SLC25A13: variants seen among roughly 807,000 people sequenced by gnomAD.
SLC25A13 encodes electrogenic aspartate/glutamate antiporter SLC25A13, mitochondrial.
SLC25A13 carries 70 observed loss-of-function variants against 85.5 expected under a neutral mutation model. That is an observed-to-expected ratio of 0.82 (90% CI 0.68 to 1.00). SLC25A13 has a LOEUF of 1.00. SLC25A13 is among the 50% of genes least tolerant of loss of function. The pLI is 0.00. For missense variants in SLC25A13, 765 were observed against 819.8 expected (o/e 0.93, Z 0.82); for synonymous variants, 259 against 288.7 (o/e 0.90, Z 1.04).
At chr7:96,134,813 A>ATATATATATATATAT (rs1554337551) in intron 14 of SLC25A13, among the ~76,000 whole-genome samples, 25 of 142,964 alleles carry the variant, frequency 1.7e-4, no homozygotes, top group Non-Finnish European at 2.3e-4. Context: ...ATATATATAT[A>ATATATATATATATAT]ACCCTGAGGA....
At chr7:96,234,659 C>G in intron 4 of SLC25A13, 143 bp downstream of exon 4, 1 of 633,788 alleles carries the variant, frequency 1.6e-6, no homozygotes, top group Non-Finnish European at 2.7e-6. Flanking sequence ...AGCTCCAAAA[C>G]ATTGAAGTAT....
At chr7:96,161,751 T>C (rs1469726475) in intron 13 of SLC25A13, among the ~76,000 whole-genome samples, 1 of 152,170 alleles carries the variant, frequency 6.6e-6, no homozygotes, top group Non-Finnish European at 1.5e-5. Flanking sequence ...CAAGAGGAGA[T>C]GGAAGGCAGA....
intron 3 of SLC25A13, among the ~76,000 whole-genome samples, chr7:96,266,073 A>G (rs1293695597): frequency 2.6e-5 from 4 of 152,182 alleles, no homozygotes; most frequent in Non-Finnish European, 5.9e-5. Flanking sequence ...AGGGACATCA[A>G]TGTTCAGACA....
At chr7:96,300,043 T>C (rs962233454) in intron 1 of SLC25A13, among the ~76,000 whole-genome samples, 2 of 152,170 alleles carry the variant, frequency 1.3e-5, no homozygotes, top group African/African-American at 2.4e-5. Context: ...AACTGCAATA[T>C]AGTACAAGCC....
intron 3 of SLC25A13, among the ~76,000 whole-genome samples, chr7:96,240,603 G>A (rs1030096036): frequency 8.6e-5 from 13 of 151,944 alleles, no homozygotes. Context: ...CCGGGGTTGG[G>A]TGTGGCAGCT....
chr7:96,175,310 A>G (rs1562816438), intron 11 of SLC25A13, among the ~76,000 whole-genome samples: 1 of 152,234 alleles, frequency 6.6e-6, no homozygotes, highest in Non-Finnish European at 1.5e-5. Flanking sequence ...TATGGCATGG[A>G]GTCAGGGCAC....
intron 11 of SLC25A13, among the ~76,000 whole-genome samples, chr7:96,182,605 G>A (rs1353737321): frequency 6.6e-6 from 1 of 152,190 alleles, no homozygotes; most frequent in African/African-American, 2.4e-5. Context: ...CGGCAAGAGT[G>A]GAAGCCTCTT....
chr7:96,208,505 CTTTTTT>C (rs34151128), intron 5 of SLC25A13, among the ~76,000 whole-genome samples: 1 of 139,742 alleles, frequency 7.2e-6, no homozygotes, highest in African/African-American at 2.7e-5. Flanking sequence ...ACCCTTTTAA[CTTTTTT>C]TTTTTTTTTT....
chr7:96,225,897 G>A (rs920233957), intron 4 of SLC25A13, among the ~76,000 whole-genome samples: 2 of 152,026 alleles, frequency 1.3e-5, no homozygotes, highest in African/African-American at 4.8e-5. Context: ...AACAGACTCC[G>A]CGCTTAGAAC....
chr7:96,204,407 G>A (rs1584451840), intron 5 of SLC25A13, among the ~76,000 whole-genome samples: 1 of 152,128 alleles, frequency 6.6e-6, no homozygotes, highest in East Asian at 1.9e-4. Flanking sequence ...GGGCACGGTG[G>A]CTCATGCCTG....
intron 2 of SLC25A13, among the ~76,000 whole-genome samples, chr7:96,281,738 T>A (rs777884779): frequency 3.3e-5 from 5 of 152,232 alleles, no homozygotes; most frequent in Admixed American, 1.3e-4. Context: ...TGAGAGATAT[T>A]ATCAGCTTCA....
At chr7:96,315,196 C>T (rs1800086811) in intron 1 of SLC25A13, among the ~76,000 whole-genome samples, 1 of 152,226 alleles carries the variant, frequency 6.6e-6, no homozygotes, top group Admixed American at 6.5e-5. Context: ...GGAGAAACCC[C>T]TACATACCCC....
At chr7:96,183,565 G>C (rs755474273) in intron 11 of SLC25A13, among the ~76,000 whole-genome samples, 1 of 152,182 alleles carries the variant, frequency 6.6e-6, no homozygotes, top group Admixed American at 6.5e-5. Flanking sequence ...CCTTCTCGTA[G>C]AAGGCAATCC....
chr7:96,205,860 T>C (rs1400423435), intron 5 of SLC25A13, among the ~76,000 whole-genome samples: 1 of 151,860 alleles, frequency 6.6e-6, no homozygotes, highest in Non-Finnish European at 1.5e-5. Flanking sequence ...GATAAACACA[T>C]GACCCAAGTA....
intron 13 of SLC25A13, among the ~76,000 whole-genome samples, chr7:96,162,334 A>AC (rs1793539786): frequency 6.6e-6 from 1 of 152,244 alleles, no homozygotes; most frequent in African/African-American, 2.4e-5. Context: ...GACTTTGAGT[A>AC]TATTTTATGA....
At chr7:96,142,605 C>T (rs1035756392) in intron 14 of SLC25A13, among the ~76,000 whole-genome samples, 1 of 152,042 alleles carries the variant, frequency 6.6e-6, no homozygotes, top group Admixed American at 6.5e-5. Flanking sequence ...AAATACTAAT[C>T]TGAGCAGAAA....
chr7:96,308,154 C>CAA lies in SLC25A13; in HGVS notation c.16-11205_16-11204dup, dbSNP rs757439839. On this transcript the variant is annotated intron_variant, in intron 1 of 17. Coordinates refer to ENST00000265631, the MANE Select transcript of SLC25A13 (RefSeq NM_014251.3). ...GGCAACAAGAGCGAAACTCCATCTCCAAAAAAAAAAAAAAAAAAAATCTGA... is the reference window on the plus strand; with the variant it reads ...GGCAACAAGAGCGAAACTCCATCTCCAAAAAAAAAAAAAAAAAAAAAATCTGA... Among the ~76,000 whole-genome samples, 445 of 81,456 alleles carry CAA rather than the reference C, an allele frequency of 5.5e-3. 4 individuals are homozygous for CAA. The highest frequency in any genetic ancestry group is 0.017 in the African/African-American group (398 of 23,966). The allele number at this position is 81,456 out of a possible 152,430, so 53.4% of individuals were successfully genotyped here. A position where few individuals can be genotyped will look rare whatever the true frequency, so the allele number is the denominator to read the frequency against.
At chr7:96,227,514 C>T (rs1044115990) in intron 4 of SLC25A13, among the ~76,000 whole-genome samples, 2 of 152,064 alleles carry the variant, frequency 1.3e-5, no homozygotes, top group Non-Finnish European at 2.9e-5. Flanking sequence ...AAGTTGAAAA[C>T]CTAACCAGAT....
chr7:96,136,125 G>A (rs1792277026), intron 14 of SLC25A13, among the ~76,000 whole-genome samples: 1 of 152,134 alleles, frequency 6.6e-6, no homozygotes, highest in African/African-American at 2.4e-5. Flanking sequence ...CTCAGATCTA[G>A]TTTAATTATC....
Sources: allele counts gnomAD v4.1 joint callset (sites outside exome capture counted in the v4.1 genomes callset), GRCh38; gene constraint gnomAD v4.1.1; transcripts MANE v1.5; gene names NCBI Gene and HGNC (gene_info 2026-07-23, HGNC 2026-07-21).